Variants in SORBS2 observed in about 807,000 individuals in gnomAD.
SORBS2 encodes sorbin and SH3 domain containing 2, also known as sorbin and SH3 domain-containing protein 2.
Under a neutral mutation model 97.7 loss-of-function variants are expected in SORBS2, and 46 were observed. The ratio of observed to expected loss-of-function variants is 0.47; its 90% CI spans 0.37 to 0.60. The LOEUF (loss-of-function observed/expected upper bound fraction) is 0.60, where lower values mean the gene tolerates loss of function less well. Ranked by LOEUF, SORBS2 falls within the 20% of genes least tolerant of loss-of-function variation. The pLI is 0.00. For synonymous variants in SORBS2, 476 were observed against 473.4 expected, an observed-to-expected ratio of 1.01 and a Z score of -0.07; for missense variants, 1,316 against 1,282.3, an observed-to-expected ratio of 1.03 and a Z score of -0.40.
At chr4:185,849,634 C>T (rs1163151289) in intron 1 of SORBS2, among the ~76,000 whole-genome samples, 1 of 152,146 alleles carries the variant, frequency 6.6e-6, no homozygotes, top group Non-Finnish European at 1.5e-5. Context: ...TGGCTTCACC[C>T]CTTGTTGCAG....
At chr4:185,897,108 T>C (rs1399830171) in intron 1 of SORBS2, among the ~76,000 whole-genome samples, 1 of 152,152 alleles carries the variant, frequency 6.6e-6, no homozygotes, top group African/African-American at 2.4e-5. Context: ...TGAGGCCAGA[T>C]ATAGAAACCA....
At chr4:185,637,427 A>G (rs2097031303) in intron 4 of SORBS2, among the ~76,000 whole-genome samples, 2 of 152,242 alleles carry the variant, frequency 1.3e-5, no homozygotes, top group African/African-American at 2.4e-5. Context: ...ACCTGATGAC[A>G]CATTTCTCAG....
Position 185,757,919 on chromosome 4 carries a change from A to C in SORBS2, c.-198+17308T>G, listed in dbSNP as rs191096001. ...TCATATTTTTGGAATATTTTCAAGC[A>C]ATTGCTGATACAATCTGGTGAGCCA... On this transcript the variant is annotated intron_variant, in intron 2 of 20. Transcript: ENST00000284776. Among the ~76,000 whole-genome samples the C allele has an allele frequency of 3.3e-4, 51 of 152,376 alleles. 1 individual carries two copies. The highest frequency in any genetic ancestry group is 1.2e-3 in the African/African-American group (48 of 41,588).
intron 1 of SORBS2, 126 bp from the exon 1 acceptor site, chr4:185,812,320 A>T (rs965269809): frequency 6.6e-6 from 1 of 152,244 alleles, no homozygotes; most frequent in African/African-American, 2.4e-5. Context: ...AGCATGGCTG[A>T]TCATGTGCAG....
At chr4:185,682,284 C>T (rs985483184) in intron 2 of SORBS2, among the ~76,000 whole-genome samples, 1 of 152,138 alleles carries the variant, frequency 6.6e-6, no homozygotes, top group African/African-American at 2.4e-5. Context: ...GGAGTGGTCC[C>T]CATACTGCGG....
chr4:185,619,565 G>A (rs984168946), intron 8 of SORBS2, among the ~76,000 whole-genome samples: 9 of 152,182 alleles, frequency 5.9e-5, no homozygotes, highest in Admixed American at 5.9e-4. Flanking sequence ...TTCAGTTGGT[G>A]GGTGGTTCCC....
At chr4:185,785,779 T>C (rs2099053501) in intron 1 of SORBS2, among the ~76,000 whole-genome samples, 1 of 152,234 alleles carries the variant, frequency 6.6e-6, no homozygotes, top group Admixed American at 6.5e-5. Context: ...CTTAAGAGCA[T>C]GGGCTTGGAG....
At chr4:185,681,294 T>A (rs898099217) in intron 2 of SORBS2, among the ~76,000 whole-genome samples, 1 of 152,126 alleles carries the variant, frequency 6.6e-6, no homozygotes, top group African/African-American at 2.4e-5. Flanking sequence ...TAGCCCTGCT[T>A]TTATTTTATC....
At chr4:185,601,651 T>C (rs556566545) in intron 12 of SORBS2, among the ~76,000 whole-genome samples, 1 of 152,256 alleles carries the variant, frequency 6.6e-6, no homozygotes, top group Admixed American at 6.5e-5. Context: ...TATCCCAGTC[T>C]TGACTAATAC....
At chr4:185,704,132 C>T (rs2098305544) in intron 2 of SORBS2, among the ~76,000 whole-genome samples, 1 of 152,134 alleles carries the variant, frequency 6.6e-6, no homozygotes, top group Non-Finnish European at 1.5e-5. Context: ...TAAAGACAGC[C>T]TAGACTCTCA....
At chr4:185,795,417 G>A (rs1009073760) in intron 1 of SORBS2, among the ~76,000 whole-genome samples, 3 of 152,164 alleles carry the variant, frequency 2.0e-5, no homozygotes, top group African/African-American at 7.2e-5. Flanking sequence ...TTCAGAGAAG[G>A]TTTTTATCCT....
At chr4:185,923,122 A>G (rs1346247438) in intron 1 of SORBS2, among the ~76,000 whole-genome samples, 1 of 152,172 alleles carries the variant, frequency 6.6e-6, no homozygotes, top group Admixed American at 6.5e-5. Flanking sequence ...GGGGAGCCCC[A>G]CACAGAGTCC....
At chr4:185,894,473 GTT>G (rs1405369866) in intron 1 of SORBS2, 1 of 152,120 alleles carries the variant, frequency 6.6e-6, no homozygotes, top group African/African-American at 2.4e-5. Context: ...TAGGTTTTCA[GTT>G]TTACAGACAT....
chr4:185,904,418 G>T (rs939712740), intron 1 of SORBS2, among the ~76,000 whole-genome samples: 8 of 152,290 alleles, frequency 5.3e-5, no homozygotes, highest in African/African-American at 1.9e-4. Context: ...TCATCTTACT[G>T]GGTGGCAGTG....
chr4:185,932,785 C>T (rs1036190752), intron 1 of SORBS2, among the ~76,000 whole-genome samples: 4 of 152,218 alleles, frequency 2.6e-5, no homozygotes, highest in Admixed American at 1.3e-4. Flanking sequence ...ATGACTTACC[C>T]TCTGAAGAAA....
chr4:185,704,066 TAGTATA>T (rs2098304009), intron 2 of SORBS2, among the ~76,000 whole-genome samples: 1 of 152,212 alleles, frequency 6.6e-6, no homozygotes, highest in Non-Finnish European at 1.5e-5. Flanking sequence ...TTATTTTGTG[TAGTATA>T]AGTATGCTAG....
chr4:185,840,157 A>G (rs1428684452), intron 1 of SORBS2, among the ~76,000 whole-genome samples: 1 of 152,182 alleles, frequency 6.6e-6, no homozygotes, highest in African/African-American at 2.4e-5. Context: ...GCGAGATTCC[A>G]CGGTCATTTG....
At chr4:185,911,516 C>A (rs898100935) in intron 1 of SORBS2, among the ~76,000 whole-genome samples, 15 of 152,186 alleles carry the variant, frequency 9.9e-5, no homozygotes, top group Admixed American at 3.9e-4. Context: ...TGAGCCACCA[C>A]GCCCAGCCTG....
At chr4:185,955,897 A>C (rs1170488547) in intron 1 of SORBS2, among the ~76,000 whole-genome samples, 1 of 151,906 alleles carries the variant, frequency 6.6e-6, no homozygotes, top group Non-Finnish European at 1.5e-5. Flanking sequence ...TTATAAAGGT[A>C]GCAGAATGTG....
Sources: gnomAD v4.1 joint callset for allele counts (sites outside exome capture counted in the v4.1 genomes callset) on GRCh38, gnomAD v4.1.1 for gene constraint, MANE v1.5 for transcripts, NCBI Gene and HGNC (gene_info 2026-07-23, HGNC 2026-07-21) for gene names.